The following DLG5 variants were observed in gnomAD, a reference collection of about 807,000 sequenced individuals.
The protein encoded by DLG5 is disks large homolog 5.
DLG5 carries 48 observed loss-of-function variants against 189.8 expected under a neutral mutation model. That is an observed-to-expected ratio of 0.25 (90% CI 0.20 to 0.32). The LOEUF (loss-of-function observed/expected upper bound fraction) is 0.32. Ranked by LOEUF, DLG5 falls within the 10% of genes least tolerant of loss-of-function variation. The pLI, the probability that DLG5 is intolerant of heterozygous loss-of-function variation, is 1.00. For synonymous variants in DLG5, 1,016 were observed against 1,054.1 expected (o/e 0.96, Z 0.70); for missense variants, 2,160 against 2,544.7 (o/e 0.85, Z 3.25).
the DLG5 span, among the ~76,000 whole-genome samples, chr10:77,936,128 A>C: frequency 5.3e-5 from 8 of 152,212 alleles, no homozygotes; most frequent in Non-Finnish European, 1.0e-4. Flanking sequence ...CCCAGAGGCA[A>C]ATATCCCAGG....
chr10:77,845,643 A>G (rs190281039), intron 5 of DLG5, among the ~76,000 whole-genome samples: 208 of 151,138 alleles, frequency 1.4e-3, no homozygotes, highest in African/African-American at 4.9e-3. Context: ...GAGAAAGAGA[A>G]AGAGAGAGAA....
intron 13 of DLG5, 51 bp downstream of exon 13, chr10:77,828,831 G>T: frequency 6.3e-7 from 1 of 1,589,674 alleles, no homozygotes; most frequent in Non-Finnish European, 8.6e-7. Context: ...CCTCCCAAAT[G>T]TAATCTGCCT....
chr10:77,930,768 C>T (rs1468451122), upstream of DLG5, among the ~76,000 whole-genome samples: 2 of 151,896 alleles, frequency 1.3e-5, no homozygotes, highest in Admixed American at 6.6e-5. Context: ...CTGCCTCAGC[C>T]TCCTGAGTAG....
Position 77,926,108 on chromosome 10 carries a change from C to T in DLG5, c.304+109G>A, listed in dbSNP as rs1846681926. On this transcript the variant is annotated intron_variant, in intron 1 of 31. Coordinates refer to ENST00000372391, the MANE Select transcript of DLG5 (RefSeq NM_004747.4). The surrounding 1 kb of genome is among the most constrained non-coding windows in gnomAD (Gnocchi z 5.2). The stretch of plus-strand genomic sequence containing the variant: ...AACTGGGCCAGAGGAGCGAGTCCAC[C>T]GAGGCCATCGCCAGGTGGAGCGGCG... 1.7e-6 allele frequency: 2 copies of T among 1,185,470 alleles called. No homozygotes were observed. The highest frequency in any genetic ancestry group is 2.2e-6 in the Non-Finnish European group (2 of 920,914). 73.4% of individuals were successfully genotyped at this position (1,185,470 alleles called of 1,614,324 possible).
At chr10:77,810,362 A>G (rs1186307727) in intron 23 of DLG5, among the ~76,000 whole-genome samples, 1 of 152,222 alleles carries the variant, frequency 6.6e-6, no homozygotes, top group African/African-American at 2.4e-5. Context: ...TCTGGTATAG[A>G]GAATGCAGAG....
rs932477220 is a variant in DLG5 at position 77,821,978 on chromosome 10, T to C, written c.2506A>G (p.Ile836Val). 2 of 1,614,248 alleles carry C rather than the reference T, an allele frequency of 1.2e-6. No homozygotes were observed. Among genetic ancestry groups the C allele is most frequent in the African/African-American group, 2.7e-5 (2 of 75,068 alleles). Residue 836 changes from isoleucine to valine, a missense_variant, in exon 15 of 32, where the codon ATA (isoleucine) becomes GTA (valine). Physicochemically the swap from Ile to Val is conservative, Grantham distance 29. Around this residue, in one of 5 missense-constraint regions of DLG5, gnomAD observed 754 missense variants for 746.5 expected, o/e 1.01. Transcript: ENST00000372391. ...GTCTGCGTGGAGTTATTGTGCTGTA[T>C]CAAGTTCCGTTTGTTATGAGCCTGG... ...EVQAHNKRNLIQHNNSTQTDI... is the reference protein window; with the variant it reads ...EVQAHNKRNLVQHNNSTQTDI...
chr10:77,834,591 C>T (rs1843034542), intron 8 of DLG5, among the ~76,000 whole-genome samples: 1 of 152,134 alleles, frequency 6.6e-6, no homozygotes, highest in Non-Finnish European at 1.5e-5. Context: ...ACAAGCTTGG[C>T]AAGACTCTAT....
At chr10:77,803,063 C>T (rs1439392692) in intron 27 of DLG5, among the ~76,000 whole-genome samples, 2 of 151,920 alleles carry the variant, frequency 1.3e-5, no homozygotes, top group African/African-American at 2.4e-5. Flanking sequence ...CTATTTTAAC[C>T]CCCAAAAGAA....
chr10:77,807,221 C>G (rs2154575149), intron 25 of DLG5, among the ~76,000 whole-genome samples: 1 of 152,314 alleles, frequency 6.6e-6, no homozygotes, highest in Admixed American at 6.5e-5. Context: ...TTGCCTCCCT[C>G]CTCGAAGCCC....
Position 77,926,446 on chromosome 10 carries a change from G to C in DLG5, c.75C>G (p.Ala25=), listed in dbSNP as rs766055975. ...CCGCGGCCTCGAGCAGCCCGAGCAC[G>C]GCTTCCACCTCCGTCATGGCCTGGG... ...SLAQAMTEVE[A]VLGLLEAAGA... is the part of the protein sequence containing the mutation. The change falls in exon 1 of 32, where the codon GCC becomes GCG. Residue 25 remains alanine (A), a synonymous_variant. Coordinates refer to ENST00000372391, the MANE Select transcript of DLG5 (RefSeq NM_004747.4). This position sits in a 1 kb window ranked among gnomAD's most constrained non-coding sequence, Gnocchi z 5.2. The C allele has an allele frequency of 6.4e-7, 1 of 1,555,368 alleles. No homozygotes were observed. Among genetic ancestry groups the C allele is most frequent in the Non-Finnish European group, 8.7e-7 (1 of 1,153,372 alleles).
intron 1 of DLG5, among the ~76,000 whole-genome samples, chr10:77,877,024 G>A (rs1845122211): frequency 6.6e-6 from 1 of 152,030 alleles, no homozygotes; most frequent in African/African-American, 2.4e-5. Flanking sequence ...CACCACACCT[G>A]GCTTTTGTGT....
chr10:77,919,592 T>C (rs1846475305), intron 1 of DLG5, among the ~76,000 whole-genome samples: 1 of 125,118 alleles, frequency 8.0e-6, no homozygotes, highest in South Asian at 2.4e-4. Context: ...GGCTTTTTTT[T>C]TTTTTTTTTT....
chr10:77,796,670 C>T lies in DLG5; in HGVS notation c.5165-76G>A. On this transcript the variant is annotated intron_variant, in intron 27 of 31. Coordinates refer to ENST00000372391, the MANE Select transcript of DLG5 (RefSeq NM_004747.4). This position sits in a 1 kb window ranked among gnomAD's most constrained non-coding sequence, Gnocchi z 5.2. ...CTGAGTGGGGCTGGGGAACCCCGCT[C>T]CCTGACCTCGCCCACTCTGGTTTGC... The T allele has an allele frequency of 5.1e-6, 8 of 1,580,490 alleles. No homozygotes were observed. Among genetic ancestry groups the T allele is most frequent in the Non-Finnish European group, 6.9e-6 (8 of 1,157,914 alleles).
chr10:77,904,622 G>A (rs1846021442), intron 1 of DLG5, among the ~76,000 whole-genome samples: 2 of 151,748 alleles, frequency 1.3e-5, no homozygotes, highest in South Asian at 2.1e-4. Flanking sequence ...GAGATCTGAT[G>A]GGTTTATCAG....
chr10:77,861,643 T>C (rs1844477630), intron 2 of DLG5, among the ~76,000 whole-genome samples: 1 of 152,210 alleles, frequency 6.6e-6, no homozygotes, highest in African/African-American at 2.4e-5. Context: ...AAAGACACTC[T>C]ACCTTCAACT....
intron 1 of DLG5, among the ~76,000 whole-genome samples, chr10:77,890,419 C>CT (rs1325612872): frequency 6.6e-6 from 1 of 152,176 alleles, no homozygotes; most frequent in African/African-American, 2.4e-5. Flanking sequence ...CCTTGGGTCT[C>CT]TAGGGTCCCA....
intron 5 of DLG5, among the ~76,000 whole-genome samples, chr10:77,846,499 C>G (rs1358580907): frequency 3.3e-5 from 5 of 152,068 alleles, no homozygotes; most frequent in African/African-American, 1.2e-4. Flanking sequence ...AAGTTCCAGA[C>G]CAGCCTGGCT....
At chr10:77,813,075 G>T (rs1245433847) in intron 20 of DLG5, among the ~76,000 whole-genome samples, 1 of 152,236 alleles carries the variant, frequency 6.6e-6, no homozygotes, top group African/African-American at 2.4e-5. Context: ...AGGTGACAAA[G>T]GTTAGAAAGA....
intron 1 of DLG5, among the ~76,000 whole-genome samples, chr10:77,872,697 AAAG>A (rs1371047738): frequency 2.0e-5 from 3 of 152,152 alleles, no homozygotes; most frequent in Non-Finnish European, 4.4e-5. Context: ...GGAAAAGGCA[AAAG>A]AAGCCACTGT....
Sources: allele counts gnomAD v4.1 joint callset (sites outside exome capture counted in the v4.1 genomes callset), GRCh38; gene constraint gnomAD v4.1.1; regional missense constraint gnomAD v4.1.1; non-coding constraint Gnocchi (gnomAD v3.1); transcripts MANE v1.5; gene names NCBI Gene and HGNC (gene_info 2026-07-23, HGNC 2026-07-21).